The following PTK2 variants were observed in gnomAD, a reference collection of about 807,000 sequenced individuals.
The protein encoded by PTK2 is protein tyrosine kinase 2.
PTK2 carries 45 observed loss-of-function variants against 150.1 expected under a neutral mutation model. That is an observed-to-expected ratio of 0.30 (90% CI 0.24 to 0.38). The LOEUF (loss-of-function observed/expected upper bound fraction) is 0.38, where lower values mean the gene tolerates loss of function less well. Ranked by LOEUF, PTK2 falls within the 10% of genes least tolerant of loss-of-function variation. The probability of loss-of-function intolerance (pLI) is 1.00; values close to 1 mark genes in which losing one functional copy is unlikely to be tolerated. For missense variants in PTK2, 919 were observed against 1,307.3 expected (o/e 0.70, Z 4.58); for synonymous variants, 432 against 449.2 (o/e 0.96, Z 0.48).
intron 10 of PTK2, among the ~76,000 whole-genome samples, chr8:140,814,632 G>A (rs1359097172): frequency 6.6e-6 from 1 of 152,124 alleles, no homozygotes; most frequent in Non-Finnish European, 1.5e-5. Context: ...ACACCTCAAT[G>A]AACTAGGCAT....
exon 14 of PTK2, chr8:140,789,484 G>C: frequency 2.5e-6 from 4 of 1,613,444 alleles, no homozygotes; most frequent in Non-Finnish European, 3.4e-6. Context: ...CTGACACAGA[G>C]ACGGCGTGTG....
intron 8 of PTK2, among the ~76,000 whole-genome samples, chr8:140,819,240 A>G (rs1405137715): frequency 6.6e-6 from 1 of 152,216 alleles, no homozygotes; most frequent in Non-Finnish European, 1.5e-5. Flanking sequence ...CATCTTAACC[A>G]TTTTTAACTG....
intron 31 of PTK2, among the ~76,000 whole-genome samples, chr8:140,663,755 C>T (rs2084641170): frequency 6.6e-6 from 1 of 152,064 alleles, no homozygotes; most frequent in South Asian, 2.1e-4. Context: ...CTCACTGTAG[C>T]CTGAAACTCC....
chr8:140,920,977 T>C (rs901087687), intron 2 of PTK2: 38 of 1,353,734 alleles, frequency 2.8e-5, no homozygotes, highest in African/African-American at 1.7e-4. Flanking sequence ...CTCGCTGTGA[T>C]AGTATTTGCT....
chr8:140,874,138 CCTTT>C (rs993972770), intron 4 of PTK2, among the ~76,000 whole-genome samples: 18 of 152,178 alleles, frequency 1.2e-4, no homozygotes, highest in Non-Finnish European at 2.9e-5. Flanking sequence ...TCCAGCTCTT[CCTTT>C]CTCCCAGTGA....
chr8:140,905,788 C>T (rs1042983870), intron 2 of PTK2, among the ~76,000 whole-genome samples: 4 of 152,120 alleles, frequency 2.6e-5, no homozygotes, highest in African/African-American at 7.2e-5. Context: ...TACTCCTCAG[C>T]AAATGCAAAA....
At chr8:140,830,134 G>T (rs1330237436) in intron 8 of PTK2, among the ~76,000 whole-genome samples, 2 of 151,784 alleles carry the variant, frequency 1.3e-5, no homozygotes, top group Non-Finnish European at 2.9e-5. Context: ...CCACCACCAC[G>T]ATTATTTTAC....
At chr8:140,769,727 C>A (rs10875458) in intron 14 of PTK2, 135 bp from the exon 16 acceptor site, 218,912 of 421,894 alleles carry the variant, frequency 0.52, 59,801 homozygotes, top group African/African-American at 0.79. Flanking sequence ...AAATAAAAAA[C>A]AATTACCCCC....
chr8:140,782,164 A>G (rs1470412210), intron 14 of PTK2, among the ~76,000 whole-genome samples: 1 of 151,540 alleles, frequency 6.6e-6, no homozygotes, highest in African/African-American at 2.4e-5. Flanking sequence ...CATAAAAATT[A>G]TTAGTAGCAT....
At chr8:140,847,555 T>C (rs767804821) in intron 5 of PTK2, among the ~76,000 whole-genome samples, 2 of 152,214 alleles carry the variant, frequency 1.3e-5, no homozygotes, top group South Asian at 2.1e-4. Flanking sequence ...CATGAAATGT[T>C]ATCCACCCCT....
chr8:140,997,474 C>A (rs966402228), intron 1 of PTK2, among the ~76,000 whole-genome samples: 2 of 152,194 alleles, frequency 1.3e-5, no homozygotes, highest in African/African-American at 4.8e-5. Flanking sequence ...AACGAGCCAA[C>A]TGATGTGGCA....
At chr8:140,828,260 C>T (rs1203463250) in intron 8 of PTK2, among the ~76,000 whole-genome samples, 4 of 151,746 alleles carry the variant, frequency 2.6e-5, no homozygotes, top group African/African-American at 4.8e-5. Flanking sequence ...TTCCACTTTG[C>T]GTGGTGAGAA....
intron 4 of PTK2, among the ~76,000 whole-genome samples, chr8:140,876,119 T>C (rs1334822239): frequency 6.6e-6 from 1 of 152,218 alleles, no homozygotes; most frequent in African/African-American, 2.4e-5. Context: ...ATGTTTTATG[T>C]GTGCGTTCTT....
chr8:140,939,119 T>C (rs956954842), intron 1 of PTK2, among the ~76,000 whole-genome samples: 3 of 152,170 alleles, frequency 2.0e-5, no homozygotes, highest in African/African-American at 7.2e-5. Flanking sequence ...GGATACATCT[T>C]CTTCAACAGT....
intron 7 of PTK2, among the ~76,000 whole-genome samples, chr8:140,837,573 A>T (rs971793742): frequency 2.6e-5 from 4 of 150,982 alleles, no homozygotes; most frequent in African/African-American, 9.7e-5. Context: ...TACTAAAAAT[A>T]AAAAAATTAG....
At position 140,962,873 on chromosome 8, in the gene PTK2, T is replaced by TC. The variant is rs548834893; in HGVS notation, c.-121-37125dup. Among the ~76,000 whole-genome samples, 524 of 142,050 alleles carry TC rather than the reference T, an allele frequency of 3.7e-3. 1 individual carries two copies. Among genetic ancestry groups the TC allele is most frequent in the South Asian group, 0.017 (73 of 4,360 alleles). The allele number at this position is 142,050 out of a possible 152,430, so 93.2% of individuals were successfully genotyped here. A position where few individuals can be genotyped will look rare whatever the true frequency, so the allele number is the denominator to read the frequency against. On this transcript the variant is annotated intron_variant, in intron 1 of 31. Coordinates refer to ENST00000522684, the Ensembl canonical transcript of PTK2. ...CTACAAACTTCCTGGCCCTTGTAGG[T>TC]CCCCCCCCCCAACCCAACCTACCTA... is the stretch of plus-strand genomic sequence containing the variant.
chr8:140,662,614 A>G lies in PTK2; in HGVS notation c.2946+2303T>C, dbSNP rs28424087. On this transcript the variant is annotated intron_variant, in intron 31 of 31. Transcript: ENST00000522684. ...TCACAGGCCTTCTCAAAAACAAGTT[A>G]AAGGGTTTATGCATATGAATCAATG... 3,817 of 461,216 alleles carry G rather than the reference A, an allele frequency of 8.3e-3. 121 individuals are homozygous for G. Among genetic ancestry groups the G allele is most frequent in the African/African-American group, 0.067 (3,437 of 51,320 alleles). 28.6% of individuals were successfully genotyped at this position (461,216 alleles called of 1,614,324 possible). A position where few individuals can be genotyped will look rare whatever the true frequency, so the allele number is the denominator to read the frequency against.
chr8:140,753,286 T>G (rs1240047365), intron 16 of PTK2, among the ~76,000 whole-genome samples: 2 of 152,050 alleles, frequency 1.3e-5, no homozygotes, highest in African/African-American at 4.8e-5. Flanking sequence ...ATGATGCAGG[T>G]GTGAGAGAGT....
At chr8:140,960,498 G>A (rs991204446) in intron 1 of PTK2, among the ~76,000 whole-genome samples, 6 of 152,002 alleles carry the variant, frequency 3.9e-5, no homozygotes, top group South Asian at 4.2e-4. Flanking sequence ...ATGAGCCACC[G>A]CGGCTGGCCC....
Sources: gnomAD v4.1 joint callset for allele counts (sites outside exome capture counted in the v4.1 genomes callset) on GRCh38, gnomAD v4.1.1 for gene constraint, MANE v1.5 for transcripts, NCBI Gene and HGNC (gene_info 2026-07-23, HGNC 2026-07-21) for gene names.